Variants in KCNQ1 observed in about 807,000 individuals in gnomAD.
KCNQ1 encodes the protein potassium voltage-gated channel subfamily Q member 1, also known as potassium voltage-gated channel subfamily KQT member 1.
Under a neutral mutation model 72.4 loss-of-function variants are expected in KCNQ1, and 49 were observed. The ratio of observed to expected loss-of-function variants is 0.68; its 90% CI spans 0.54 to 0.86. The LOEUF (loss-of-function observed/expected upper bound fraction) is 0.86. Ranked by LOEUF, KCNQ1 falls within the 40% of genes least tolerant of loss-of-function variation. The probability of loss-of-function intolerance (pLI) is 0.00; values close to 1 mark genes in which losing one functional copy is unlikely to be tolerated. For missense variants in KCNQ1, 790 were observed against 945.1 expected (o/e 0.84, Z 2.15); for synonymous variants, 450 against 412.6 (o/e 1.09, Z -1.10).
chr11:2,614,405 T>G (rs1589982230), intron 10 of KCNQ1: 1 of 398,564 alleles, frequency 2.5e-6, no homozygotes, highest in Non-Finnish European at 4.4e-6. Context: ...TCAGTGTCAC[T>G]TAGTACATTT....
Position 2,623,521 on chromosome 11 carries a change from T to C in KCNQ1, c.1393+34667T>C. ...ATGCAATATGATTGGAATCATACAG[T>C]ATGTAGTTTCTTCAGATTGCCTTAT... On this transcript the variant is annotated intron_variant, in intron 10 of 15. Transcript: ENST00000155840. This position sits in a 1 kb window ranked among gnomAD's most constrained non-coding sequence, Gnocchi z 5.2. 7.5e-6 allele frequency: 3 copies of C among 398,576 alleles called. No individual in the cohort carries two copies. The highest frequency in any genetic ancestry group is 2.1e-5 in the African/African-American group (1 of 48,758). 24.7% of individuals were successfully genotyped at this position (398,576 alleles called of 1,614,324 possible). A position where few individuals can be genotyped will look rare whatever the true frequency, so the allele number is the denominator to read the frequency against.
At chr11:2,756,006 C>T (rs1183576531) in intron 11 of KCNQ1, among the ~76,000 whole-genome samples, 4 of 152,216 alleles carry the variant, frequency 2.6e-5, no homozygotes, top group Admixed American at 6.5e-5. Context: ...ACTCCATTGG[C>T]ATAAACCACA....
At position 2,815,634 on chromosome 11, in the gene KCNQ1, G is replaced by A. The variant is rs1847597825; in HGVS notation, c.1795-32133G>A. ...TGCCTGACAGTAGAGTTGCAGGGGG[G>A]CAGGCACCATCGCCCCCAGCCCCAG... On this transcript the variant is annotated intron_variant, in intron 15 of 15. Coordinates refer to ENST00000155840, the MANE Select transcript of KCNQ1 (RefSeq NM_000218.3). This position sits in a 1 kb window ranked among gnomAD's most constrained non-coding sequence, Gnocchi z 5.4. Among the ~76,000 whole-genome samples the A allele has an allele frequency of 6.6e-6, 1 of 152,156 alleles. No individual in the cohort carries two copies. The highest frequency in any genetic ancestry group is 6.5e-5 in the Admixed American group (1 of 15,290).
chr11:2,696,682 T>C, intron 11 of KCNQ1: 1 of 398,644 alleles, frequency 2.5e-6, no homozygotes, highest in Non-Finnish European at 4.4e-6. Context: ...AGTTGCCCTG[T>C]TCAAGAAAAT....
At chr11:2,628,121 G>A in intron 10 of KCNQ1, 1 of 398,554 alleles carries the variant, frequency 2.5e-6, no homozygotes, top group Non-Finnish European at 4.4e-6. Flanking sequence ...ACCTCTTCAA[G>A]ATACTGACTT....
At chr11:2,701,039 A>G (rs1286043853) in intron 11 of KCNQ1, among the ~76,000 whole-genome samples, 1 of 152,170 alleles carries the variant, frequency 6.6e-6, no homozygotes, top group Non-Finnish European at 1.5e-5. Flanking sequence ...GAAAGTTGTT[A>G]CAACCCCAAC....
At position 2,445,222 on chromosome 11, in the gene KCNQ1, G is replaced by A; in HGVS notation, c.124G>A (p.Glu42Lys). The A allele has an allele frequency of 8.8e-7, 1 of 1,135,342 alleles. No individual in the cohort carries two copies. Among genetic ancestry groups the A allele is most frequent in the African/African-American group, 1.7e-5 (1 of 60,022 alleles). 70.3% of individuals were successfully genotyped at this position (1,135,342 alleles called of 1,614,324 possible). Residue 42 changes from glutamate (E) to lysine (K), a missense_variant, in exon 1 of 16, where the codon GAG becomes AAG. By Grantham distance (56) the Glu-to-Lys change is moderately conservative. Around this residue, in one of 5 missense-constraint regions of KCNQ1, gnomAD observed 294 missense variants for 323.3 expected, o/e 0.91. Transcript: ENST00000155840. Reference protein sequence around the residue: ...KKCPFSLELAEGGPAGGALYA... With the variant: ...KKCPFSLELAKGGPAGGALYA... The stretch of plus-strand genomic sequence containing the variant: ...GTGCCCCTTCTCGCTGGAGCTGGCG[G>A]AGGGCGGCCCGGCGGGCGGCGCGCT...
chr11:2,580,418 T>C (rs1848481845), intron 6 of KCNQ1, among the ~76,000 whole-genome samples: 2 of 124,194 alleles, frequency 1.6e-5, no homozygotes, highest in South Asian at 4.9e-4. Context: ...CATTACATTT[T>C]CATAATGTCA....
rs1847615373 is a variant in KCNQ1, at chr11:2,816,424, T to A, written c.1795-31343T>A. ...AGACCACACTCACCCTGTGGTCCAG[T>A]GATCTCCTTCTGAGAATCCGCCCTG... On this transcript the variant is annotated intron_variant, in intron 15 of 15. Coordinates refer to ENST00000155840, the MANE Select transcript of KCNQ1 (RefSeq NM_000218.3). This position sits in a 1 kb window ranked among gnomAD's most constrained non-coding sequence, Gnocchi z 6.8. Among the ~76,000 whole-genome samples the A allele has an allele frequency of 6.6e-6, 1 of 152,292 alleles. No individual in the cohort carries two copies. Among genetic ancestry groups the A allele is most frequent in the South Asian group, 2.1e-4 (1 of 4,828 alleles).
chr11:2,515,559 A>T lies in KCNQ1; in HGVS notation c.387-12369A>T, dbSNP rs756843686. On this transcript the variant is annotated intron_variant, in intron 1 of 15. Transcript: ENST00000155840. The surrounding 1 kb of genome is among the most constrained non-coding windows in gnomAD (Gnocchi z 4.7). The stretch of plus-strand genomic sequence containing the variant: ...AGGCTGCTGGGACCAGGCCTCGCCC[A>T]GGCAGAGCCTCGCCATTTCTGGGGT... Among the ~76,000 whole-genome samples the T allele has an allele frequency of 6.6e-6, 1 of 151,820 alleles. No individual in the cohort carries two copies. The highest frequency in any genetic ancestry group is 1.5e-5 in the Non-Finnish European group (1 of 67,920).
intron 1 of KCNQ1, chr11:2,461,633 C>T (rs755872479): frequency 2.2e-6 from 3 of 1,365,476 alleles, no homozygotes; most frequent in Non-Finnish European, 2.9e-6. Context: ...GTTTCTGGCT[C>T]TCGGGAATTT....
intron 1 of KCNQ1, among the ~76,000 whole-genome samples, chr11:2,490,459 G>A (rs1308798317): frequency 6.6e-6 from 1 of 152,116 alleles, no homozygotes; most frequent in Non-Finnish European, 1.5e-5. Context: ...TGCTTACAGC[G>A]GGCCTTGGGT....
At chr11:2,466,115 GTT>G (rs1185388992) in intron 1 of KCNQ1, among the ~76,000 whole-genome samples, 1 of 152,226 alleles carries the variant, frequency 6.6e-6, no homozygotes, top group Non-Finnish European at 1.5e-5. Context: ...ACGTTTTTGA[GTT>G]TTCCTGAGGC....
intron 11 of KCNQ1, chr11:2,684,981 C>T (rs143956716): frequency 5.8e-5 from 23 of 398,674 alleles, no homozygotes; most frequent in African/African-American, 1.8e-4. Flanking sequence ...TCCAATTTTA[C>T]GGACTGGTTG....
intron 2 of KCNQ1, among the ~76,000 whole-genome samples, chr11:2,553,674 T>A (rs572271208): frequency 5.6e-4 from 85 of 151,686 alleles, no homozygotes; most frequent in Non-Finnish European, 8.5e-4. Flanking sequence ...TATTTTATTT[T>A]ATTTATTTAT....
intron 11 of KCNQ1, chr11:2,680,571 T>C (rs1436017535): frequency 5.0e-6 from 2 of 398,460 alleles, no homozygotes; most frequent in Non-Finnish European, 8.8e-6. Context: ...AAATCTTACA[T>C]ACTCCTTTAC....
intron 2 of KCNQ1, among the ~76,000 whole-genome samples, chr11:2,568,909 G>T (rs1468132701): frequency 6.6e-6 from 1 of 152,128 alleles, no homozygotes; most frequent in Admixed American, 6.5e-5. Context: ...TTTTGAGATG[G>T]AGTCTCACTC....
intron 1 of KCNQ1, among the ~76,000 whole-genome samples, chr11:2,510,398 G>A (rs1382681353): frequency 6.6e-6 from 1 of 152,184 alleles, no homozygotes; most frequent in Non-Finnish European, 1.5e-5. Context: ...AGGAGTTTGA[G>A]ACCAGCCTGA....
chr11:2,470,021 G>T (rs1846420050), intron 1 of KCNQ1, among the ~76,000 whole-genome samples: 2 of 151,596 alleles, frequency 1.3e-5, no homozygotes, highest in Non-Finnish European at 2.9e-5. Flanking sequence ...GAAGTGCTTG[G>T]TGCTATGACG....
Sources: gnomAD v4.1 joint callset for allele counts (sites outside exome capture counted in the v4.1 genomes callset) on GRCh38, gnomAD v4.1.1 for gene constraint, gnomAD v4.1.1 regional missense constraint, Gnocchi (gnomAD v3.1) non-coding constraint, MANE v1.5 for transcripts, NCBI Gene and HGNC (gene_info 2026-07-23, HGNC 2026-07-21) for gene names.